The following SOX5 variants were observed in gnomAD, a reference collection of about 807,000 sequenced individuals.
SOX5 encodes transcription factor SOX-5.
In SOX5, 9 loss-of-function variants were observed where a neutral mutation model predicts 92.0. That is an observed-to-expected ratio of 0.10 (90% CI 0.06 to 0.17). The LOEUF (loss-of-function observed/expected upper bound fraction) is 0.17. Ranked by LOEUF, SOX5 falls within the 10% of genes least tolerant of loss-of-function variation. The pLI is 1.00. For missense variants in SOX5, 642 were observed against 944.5 expected (o/e 0.68, Z 4.20); for synonymous variants, 344 against 336.3 (o/e 1.02, Z -0.25).
rs74068410 is a variant in SOX5, at chr12:24,157,908, C to T, written c.-2+55435G>A. Reference sequence around the variant, plus strand: ...TTACACTTCCTTTGTCTCTGTTCTACACAATAGCCATGAATGTTCCAAAAT... The same window carrying T: ...TTACACTTCCTTTGTCTCTGTTCTATACAATAGCCATGAATGTTCCAAAAT... On this transcript the variant is annotated intron_variant, in intron 4 of 4. Transcript: ENST00000446891. Among the ~76,000 whole-genome samples, 521 of 152,152 alleles carry T rather than the reference C, an allele frequency of 3.4e-3. 6 individuals are homozygous for T. Among genetic ancestry groups the T allele is most frequent in the African/African-American group, 0.011 (466 of 41,536 alleles).
intron 4 of SOX5, among the ~76,000 whole-genome samples, chr12:24,112,157 G>C (rs1430976486): frequency 6.6e-6 from 1 of 152,146 alleles, no homozygotes; most frequent in African/African-American, 2.4e-5. Context: ...TTTTGCTATT[G>C]GAATGGATAA....
intron 2 of SOX5, among the ~76,000 whole-genome samples, chr12:24,288,268 T>C (rs79893119): frequency 0.018 from 2,805 of 152,284 alleles, 39 homozygotes; most frequent in Non-Finnish European, 0.028. Context: ...AACAAAGAAT[T>C]ATCTGATCCA....
Position 23,891,582 on chromosome 12 carries a change from C to A in SOX5, c.270+4211G>T, listed in dbSNP as rs1375740511. ...AAGAATGGAGTATGAATGTCACACACAAATACACAATGAAAAGCTGCCTTC... is the reference window on the plus strand; with the variant it reads ...AAGAATGGAGTATGAATGTCACACAAAAATACACAATGAAAAGCTGCCTTC... On this transcript the variant is annotated intron_variant, in intron 2 of 14. Coordinates refer to ENST00000451604, the MANE Select transcript of SOX5 (RefSeq NM_006940.6). 3.5e-5 allele frequency among the ~76,000 whole-genome samples: 5 copies of A among 143,418 alleles called. No homozygotes were observed. In the East Asian group the frequency reaches 1.1e-3, roughly 31 times the overall value. 94.1% of individuals were successfully genotyped at this position (143,418 alleles called of 152,430 possible). A position where few individuals can be genotyped will look rare whatever the true frequency, so the allele number is the denominator to read the frequency against.
chr12:23,765,480 T>A (rs7962270), intron 3 of SOX5, among the ~76,000 whole-genome samples: 135,495 of 149,616 alleles, frequency 0.91, 62,548 homozygotes, highest in East Asian at 0.99. Flanking sequence ...AAGCAAACAA[T>A]CAGCAACAAT....
chr12:23,613,923 G>C (rs1337787326), intron 8 of SOX5, among the ~76,000 whole-genome samples: 1 of 152,128 alleles, frequency 6.6e-6, no homozygotes, highest in Admixed American at 6.6e-5. Context: ...TGGAAATCTG[G>C]AGGACAGGTT....
At chr12:24,495,441 A>C (rs1171032148) in intron 1 of SOX5, among the ~76,000 whole-genome samples, 2 of 152,242 alleles carry the variant, frequency 1.3e-5, no homozygotes, top group African/African-American at 4.8e-5. Flanking sequence ...AAGTATTAGA[A>C]GACTTATTCA....
intron 4 of SOX5, among the ~76,000 whole-genome samples, chr12:23,972,689 TA>T (rs2140159223): frequency 6.6e-6 from 1 of 152,252 alleles, no homozygotes; most frequent in African/African-American, 2.4e-5. Context: ...AATAATTTTT[TA>T]TTTTTTAATT....
chr12:23,947,831 G>T (rs1944859414), intron 1 of SOX5, among the ~76,000 whole-genome samples: 1 of 151,840 alleles, frequency 6.6e-6, no homozygotes, highest in African/African-American at 2.4e-5. Flanking sequence ...GTTCACAGCA[G>T]GAAGCTTGCC....
intron 4 of SOX5, among the ~76,000 whole-genome samples, chr12:24,136,183 A>G (rs946416042): frequency 3.3e-5 from 5 of 152,252 alleles, no homozygotes; most frequent in African/African-American, 1.2e-4. Context: ...CACGTGGAGC[A>G]AGAGAGAAGT....
At position 23,705,782 on chromosome 12, in the gene SOX5, G is replaced by C. The variant is rs76293435; in HGVS notation, c.810+28902C>G. ...ATAAAAGGGGGTTCTACAGGAGCTC[G>C]TTTAAATGATTCTCTCTTTTTAACT... On this transcript the variant is annotated intron_variant, in intron 6 of 14. Coordinates refer to ENST00000451604, the MANE Select transcript of SOX5 (RefSeq NM_006940.6). 1.6e-3 allele frequency among the ~76,000 whole-genome samples: 242 copies of C among 152,064 alleles called. 1 individual carries two copies. Among genetic ancestry groups the C allele is most frequent in the Non-Finnish European group, 2.7e-3 (185 of 67,952 alleles).
At chr12:23,891,839 C>A (rs1372780291) in intron 2 of SOX5, among the ~76,000 whole-genome samples, 1 of 152,092 alleles carries the variant, frequency 6.6e-6, no homozygotes, top group African/African-American at 2.4e-5. Context: ...GTATCTTAAT[C>A]AGTTTAATAA....
intron 3 of SOX5, among the ~76,000 whole-genome samples, chr12:24,224,030 A>C (rs1267889678): frequency 6.6e-6 from 1 of 152,194 alleles, no homozygotes; most frequent in Non-Finnish European, 1.5e-5. Flanking sequence ...AGAGATCAAG[A>C]AGCAGCAGTG....
intron 4 of SOX5, among the ~76,000 whole-genome samples, chr12:24,071,138 A>G (rs1015989197): frequency 3.9e-5 from 6 of 152,218 alleles, no homozygotes; most frequent in Non-Finnish European, 8.8e-5. Context: ...AAAATTCTGC[A>G]TTTATTATAC....
intron 9 of SOX5, among the ~76,000 whole-genome samples, chr12:23,598,634 C>T (rs1460619299): frequency 6.6e-6 from 1 of 151,964 alleles, no homozygotes; most frequent in Admixed American, 6.6e-5. Flanking sequence ...CTCCTGACCT[C>T]ATGATCCATC....
At chr12:24,363,680 G>A (rs1955845462) in intron 2 of SOX5, among the ~76,000 whole-genome samples, 1 of 149,690 alleles carries the variant, frequency 6.7e-6, no homozygotes, top group Non-Finnish European at 1.5e-5. Flanking sequence ...AAATTCTACA[G>A]ACTGAGATTA....
At chr12:23,639,102 CAT>C (rs1307835379) in intron 8 of SOX5, among the ~76,000 whole-genome samples, 1 of 151,912 alleles carries the variant, frequency 6.6e-6, no homozygotes, top group African/African-American at 2.4e-5. Flanking sequence ...AAAGTAAGAA[CAT>C]ATATGTTTGG....
intron 1 of SOX5, among the ~76,000 whole-genome samples, chr12:24,518,524 T>C (rs1233498089): frequency 1.3e-5 from 2 of 152,202 alleles, no homozygotes; most frequent in Admixed American, 6.5e-5. Flanking sequence ...GAATCACTTA[T>C]ATCTCAGCCA....
intron 4 of SOX5, among the ~76,000 whole-genome samples, chr12:24,114,975 T>C (rs1947829300): frequency 6.6e-6 from 1 of 151,978 alleles, no homozygotes; most frequent in Admixed American, 6.6e-5. Flanking sequence ...GAAAATGAAG[T>C]ATCAAAAAAG....
intron 4 of SOX5, among the ~76,000 whole-genome samples, chr12:24,089,994 T>C (rs747001258): frequency 6.6e-6 from 1 of 152,158 alleles, no homozygotes; most frequent in African/African-American, 2.4e-5. Context: ...AAGGAATCAA[T>C]ACGTAAGACC....
Sources: allele counts gnomAD v4.1 joint callset (sites outside exome capture counted in the v4.1 genomes callset), GRCh38; gene constraint gnomAD v4.1.1; transcripts MANE v1.5; gene names NCBI Gene and HGNC (gene_info 2026-07-23, HGNC 2026-07-21).